Variants in FAF1 observed in about 807,000 individuals in gnomAD.
FAF1 encodes the protein Fas associated factor 1, also known as FAS-associated factor 1.
Under a neutral mutation model 92.5 loss-of-function variants are expected in FAF1, and 25 were observed. The ratio of observed to expected loss-of-function variants is 0.27; its 90% CI spans 0.20 to 0.38. The LOEUF is 0.38. FAF1 is among the 10% of genes least tolerant of loss of function. The pLI is 1.00. For missense variants in FAF1, 636 were observed against 793.3 expected (o/e 0.80, Z 2.38); for synonymous variants, 234 against 273.2 (o/e 0.86, Z 1.42).
At chr1:50,580,967 G>A (rs895022898) in intron 12 of FAF1, among the ~76,000 whole-genome samples, 1 of 152,076 alleles carries the variant, frequency 6.6e-6, no homozygotes, top group African/African-American at 2.4e-5. Context: ...TAAAGATGGG[G>A]TTTCACCAGG....
intron 1 of FAF1, among the ~76,000 whole-genome samples, chr1:50,934,736 G>A (rs1224637329): frequency 6.6e-6 from 1 of 152,008 alleles, no homozygotes; most frequent in Non-Finnish European, 1.5e-5. Context: ...TAATAAATAA[G>A]TGACTGAAAA....
At chr1:50,893,969 A>C (rs887402488) in intron 1 of FAF1, among the ~76,000 whole-genome samples, 2 of 151,958 alleles carry the variant, frequency 1.3e-5, no homozygotes, top group Non-Finnish European at 2.9e-5. Context: ...CCCTGTGGTA[A>C]CCACCACCAC....
chr1:50,935,003 T>C (rs921136108), intron 1 of FAF1, among the ~76,000 whole-genome samples: 3 of 152,208 alleles, frequency 2.0e-5, no homozygotes, highest in African/African-American at 7.2e-5. Flanking sequence ...TACATGTGAT[T>C]TTCCTTGCAT....
intron 15 of FAF1, among the ~76,000 whole-genome samples, chr1:50,493,868 G>A (rs1295880866): frequency 2.0e-5 from 3 of 152,174 alleles, no homozygotes; most frequent in Admixed American, 6.5e-5. Flanking sequence ...CTATGTACAC[G>A]TAAAAAACGG....
At chr1:50,676,593 G>A (rs1341349396) in intron 7 of FAF1, among the ~76,000 whole-genome samples, 3 of 151,934 alleles carry the variant, frequency 2.0e-5, no homozygotes, top group Non-Finnish European at 4.4e-5. Context: ...GACCGAGGTC[G>A]GCAGACCACC....
chr1:50,565,269 T>C (rs1003706921), intron 13 of FAF1, among the ~76,000 whole-genome samples: 11 of 152,206 alleles, frequency 7.2e-5, no homozygotes, highest in Middle Eastern at 3.4e-3. Flanking sequence ...TTCCTATAAA[T>C]GTTTATTAAA....
At position 50,705,734 on chromosome 1, in the gene FAF1, A is replaced by C; in HGVS notation, c.657+52T>G. ...AGATAAGCCCTCTTTAACAGGGTCA[A>C]CATTAGCTATAATGAGCTACCTTTA... On this transcript the variant is annotated intron_variant, in intron 7 of 18. Coordinates refer to ENST00000396153, the MANE Select transcript of FAF1 (RefSeq NM_007051.3). The C allele has an allele frequency of 4.0e-6, 4 of 1,001,604 alleles. No homozygotes were observed. The South Asian group carries it at 5.2e-5, about 13-fold the overall frequency. The allele number at this position is 1,001,604 out of a possible 1,614,324, so 62.0% of individuals were successfully genotyped here.
intron 2 of FAF1, among the ~76,000 whole-genome samples, chr1:50,839,885 T>A (rs1051962406): frequency 1.6e-4 from 24 of 152,114 alleles, no homozygotes; most frequent in African/African-American, 5.8e-4. Context: ...AAAGCCTAGA[T>A]CCTGACTGCT....
At chr1:50,477,551 T>C (rs1017474400) in intron 17 of FAF1, among the ~76,000 whole-genome samples, 3 of 152,220 alleles carry the variant, frequency 2.0e-5, no homozygotes, top group Non-Finnish European at 2.9e-5. Flanking sequence ...TTACCTGATA[T>C]TGGTGTTCTG....
chr1:50,460,808 ATGTGTG>A (rs61176999), intron 18 of FAF1, among the ~76,000 whole-genome samples: 19,324 of 146,928 alleles, frequency 0.13, 1,539 homozygotes, highest in African/African-American at 0.24. Context: ...GTATTTGTAT[ATGTGTG>A]TGTGTGTGTG....
At chr1:50,543,910 T>A (rs1452105152) in intron 13 of FAF1, among the ~76,000 whole-genome samples, 1 of 152,176 alleles carries the variant, frequency 6.6e-6, no homozygotes, top group Non-Finnish European at 1.5e-5. Flanking sequence ...TTTAAATACA[T>A]TTATATTTAA....
intron 12 of FAF1, among the ~76,000 whole-genome samples, chr1:50,568,015 A>G (rs891467502): frequency 6.6e-6 from 1 of 152,110 alleles, no homozygotes; most frequent in Non-Finnish European, 1.5e-5. Flanking sequence ...TAAAACTAAA[A>G]ACTGAAACTG....
chr1:50,873,257 A>C (rs1187576877), intron 1 of FAF1, among the ~76,000 whole-genome samples: 1 of 152,240 alleles, frequency 6.6e-6, no homozygotes, highest in Non-Finnish European at 1.5e-5. Flanking sequence ...CTGGGAAACC[A>C]AAAAATTAGT....
chr1:50,872,734 T>C (rs1644538368), intron 1 of FAF1, among the ~76,000 whole-genome samples: 1 of 151,838 alleles, frequency 6.6e-6, no homozygotes. Context: ...CTATCTCTAC[T>C]AAAAATACAA....
At chr1:50,494,456 C>T (rs139091435) in intron 15 of FAF1, among the ~76,000 whole-genome samples, 29 of 152,238 alleles carry the variant, frequency 1.9e-4, no homozygotes, top group African/African-American at 6.3e-4. Flanking sequence ...TTTTACACAT[C>T]GATTGGGTGG....
intron 18 of FAF1, among the ~76,000 whole-genome samples, chr1:50,451,287 CTTTGT>C (rs1646290936): frequency 6.6e-6 from 1 of 152,150 alleles, no homozygotes; most frequent in African/African-American, 2.4e-5. Context: ...CCTGTTTGTT[CTTTGT>C]TTTATTAAAT....
At chr1:50,853,198 A>G (rs1488931379) in intron 2 of FAF1, among the ~76,000 whole-genome samples, 2 of 152,184 alleles carry the variant, frequency 1.3e-5, no homozygotes, top group South Asian at 2.1e-4. Flanking sequence ...CCACATCCTG[A>G]GCAGAGTAGT....
chr1:50,955,279 A>C (rs1645256441), intron 1 of FAF1, among the ~76,000 whole-genome samples: 1 of 152,174 alleles, frequency 6.6e-6, no homozygotes, highest in African/African-American at 2.4e-5. Context: ...TTGTTACAAA[A>C]CCATTAAAGG....
At chr1:50,488,645 G>A (rs890031852) in intron 17 of FAF1, among the ~76,000 whole-genome samples, 2 of 152,112 alleles carry the variant, frequency 1.3e-5, no homozygotes, top group Non-Finnish European at 2.9e-5. Context: ...AATGATATAG[G>A]GTTTTGTACT....
Sources: gnomAD v4.1 joint callset for allele counts (sites outside exome capture counted in the v4.1 genomes callset) on GRCh38, gnomAD v4.1.1 for gene constraint, MANE v1.5 for transcripts, NCBI Gene and HGNC (gene_info 2026-07-23, HGNC 2026-07-21) for gene names.